CNTNAP2: variants seen among roughly 807,000 people sequenced by gnomAD.
The protein encoded by CNTNAP2 is contactin-associated protein-like 2.
A neutral mutation model predicts 155.2 loss-of-function variants in CNTNAP2; 98 were observed. The ratio of observed to expected loss-of-function variants is 0.63; its 90% confidence interval spans 0.54 to 0.75. CNTNAP2 has a LOEUF of 0.75. Ranked by LOEUF, CNTNAP2 falls within the 30% of genes least tolerant of loss-of-function variation. The pLI is 0.00. For synonymous variants in CNTNAP2, 651 were observed against 631.2 expected, an observed-to-expected ratio of 1.03 and a Z score of -0.47; for missense variants, 1,727 against 1,688.1, an observed-to-expected ratio of 1.02 and a Z score of -0.40.
intron 1 of CNTNAP2, among the ~76,000 whole-genome samples, chr7:146,204,336 T>A (rs1283924915): frequency 6.6e-6 from 1 of 152,182 alleles, no homozygotes; most frequent in African/African-American, 2.4e-5. Context: ...CTGAAACTTG[T>A]TCTTAAAACC....
At chr7:146,479,700 AC>A (rs1455656917) in intron 1 of CNTNAP2, among the ~76,000 whole-genome samples, 1 of 152,064 alleles carries the variant, frequency 6.6e-6, no homozygotes, top group African/African-American at 2.4e-5. Context: ...ACCAAAAAAA[AC>A]CCAAAAAACT....
intron 3 of CNTNAP2, among the ~76,000 whole-genome samples, chr7:146,849,232 A>G (rs1158883195): frequency 6.6e-6 from 1 of 152,228 alleles, no homozygotes; most frequent in Non-Finnish European, 1.5e-5. Flanking sequence ...GCCATTCATC[A>G]TATAGAGCTC....
intron 13 of CNTNAP2, among the ~76,000 whole-genome samples, chr7:147,745,471 A>G (rs1797023057): frequency 6.6e-6 from 1 of 152,212 alleles, no homozygotes; most frequent in Non-Finnish European, 1.5e-5. Context: ...CATCCCTGTC[A>G]ACCATCAACC....
intron 1 of CNTNAP2, among the ~76,000 whole-genome samples, chr7:146,309,829 AAAGGAAGGAAGG>A (rs370487767): frequency 1.3e-5 from 2 of 148,820 alleles, no homozygotes; most frequent in Non-Finnish European, 1.5e-5. Flanking sequence ...AGAAGAAAGG[AAAGGAAGGAAGG>A]AAGGAAGGAA....
chr7:147,597,543 A>G (rs1468874872), intron 12 of CNTNAP2, among the ~76,000 whole-genome samples: 3 of 152,128 alleles, frequency 2.0e-5, no homozygotes, highest in Non-Finnish European at 2.9e-5. Context: ...GGTCAAGTCC[A>G]TGTCTGTTTT....
intron 21 of CNTNAP2, 147 bp downstream of exon 21, chr7:148,267,273 T>A: frequency 1.4e-6 from 1 of 739,380 alleles, no homozygotes; most frequent in Non-Finnish European, 2.4e-6. Context: ...GTGGTTGTTC[T>A]CGGTGTTGCA....
chr7:146,671,277 A>G (rs1027895214), intron 1 of CNTNAP2, among the ~76,000 whole-genome samples: 1 of 152,186 alleles, frequency 6.6e-6, no homozygotes, highest in African/African-American at 2.4e-5. Flanking sequence ...GTGAAGGTCT[A>G]TATACCTAGA....
chr7:147,408,535 C>A lies in CNTNAP2; in HGVS notation c.1670+12755C>A, dbSNP rs948381057. 3.3e-5 allele frequency among the ~76,000 whole-genome samples: 5 copies of A among 152,202 alleles called. No individual in the cohort carries two copies. The South Asian group carries it at 1.0e-3, about 32-fold the overall frequency. ...CGGCACTTTGGGAGGCTGACGCGGG[C>A]GGATCACGAGGTCAGGAGATCGAGA... On this transcript the variant is annotated intron_variant, in intron 10 of 23. Transcript: ENST00000361727.
At chr7:147,922,408 G>A (rs764717471) in intron 14 of CNTNAP2, among the ~76,000 whole-genome samples, 5 of 152,196 alleles carry the variant, frequency 3.3e-5, no homozygotes, top group Non-Finnish European at 7.3e-5. Flanking sequence ...GAGGGGCAAT[G>A]CCCAGGCTTC....
Position 147,128,776 on chromosome 7 carries a change from C to A in CNTNAP2, c.1023C>A (p.Asn341Lys). ...TCAAAGGCTGCATGGAAAGCATCAA[C>A]TACAATGGCGTCAACATTACTGATC... Reference protein sequence around the residue: ...KNFKGCMESINYNGVNITDLA... With the variant: ...KNFKGCMESIKYNGVNITDLA... Residue 341 changes from asparagine to lysine, a missense_variant, in exon 7 of 24, where the codon AAC (asparagine) becomes AAA (lysine). Coordinates refer to ENST00000361727, the MANE Select transcript of CNTNAP2 (RefSeq NM_014141.6). 1 of 1,614,056 alleles carries A rather than the reference C, an allele frequency of 6.2e-7. No homozygotes were observed. The highest frequency in any genetic ancestry group is 8.5e-7 in the Non-Finnish European group (1 of 1,179,970).
chr7:147,629,381 C>A (rs1316090589), intron 12 of CNTNAP2, among the ~76,000 whole-genome samples: 1 of 149,020 alleles, frequency 6.7e-6, no homozygotes, highest in East Asian at 2.0e-4. Flanking sequence ...CCAGCCTGGG[C>A]AACAAGAGCA....
Position 147,068,567 on chromosome 7 carries a change from C to G in CNTNAP2, c.550+24513C>G, listed in dbSNP as rs374603961. Among the ~76,000 whole-genome samples the G allele has an allele frequency of 9.2e-5, 14 of 152,136 alleles. No homozygotes were observed. In the East Asian group the frequency reaches 1.2e-3, roughly 13 times the overall value. On this transcript the variant is annotated intron_variant, in intron 4 of 23. Transcript: ENST00000361727. ...AGAGATGGGGTTTCACCATGTTGAC[C>G]AGGCTGGTCTCGAGCTCCTGGACTC...
intron 9 of CNTNAP2, among the ~76,000 whole-genome samples, chr7:147,384,024 C>G (rs1017013510): frequency 6.6e-6 from 1 of 151,962 alleles, no homozygotes; most frequent in Non-Finnish European, 1.5e-5. Context: ...CTGGGAGGGC[C>G]TCTTGGAAGG....
chr7:147,888,605 G>A (rs1799636060), intron 13 of CNTNAP2, among the ~76,000 whole-genome samples: 1 of 151,740 alleles, frequency 6.6e-6, no homozygotes, highest in Non-Finnish European at 1.5e-5. Flanking sequence ...AGGCATCATA[G>A]TGGATGTAAG....
intron 1 of CNTNAP2, among the ~76,000 whole-genome samples, chr7:146,170,009 C>T (rs1798365812): frequency 6.9e-6 from 1 of 145,064 alleles, no homozygotes; most frequent in Non-Finnish European, 1.5e-5. Flanking sequence ...TCTAGACTTC[C>T]TTTCTTTTCT....
At chr7:147,914,225 T>C (rs1800118992) in intron 14 of CNTNAP2, among the ~76,000 whole-genome samples, 1 of 151,410 alleles carries the variant, frequency 6.6e-6, no homozygotes, top group South Asian at 2.1e-4. Flanking sequence ...ATAATACGAG[T>C]CTGGTGTTTC....
At chr7:146,573,754 T>G (rs1373991527) in intron 1 of CNTNAP2, among the ~76,000 whole-genome samples, 1 of 152,152 alleles carries the variant, frequency 6.6e-6, no homozygotes, top group African/African-American at 2.4e-5. Context: ...GTGTCAAATT[T>G]TTTGTGTGTA....
Position 147,741,322 on chromosome 7 carries a change from G to T in CNTNAP2, c.2098+102016G>T, listed in dbSNP as rs994500761. On this transcript the variant is annotated intron_variant, in intron 13 of 23. Transcript: ENST00000361727. ...TGACCACAAAGGGCAATGTCACCAG[G>T]AATATAAAGTCAAATAAAATGGGTC... Among the ~76,000 whole-genome samples the T allele has an allele frequency of 1.6e-4, 25 of 152,286 alleles. No individual in the cohort carries two copies. In the East Asian group the frequency reaches 2.7e-3, roughly 16 times the overall value.
chr7:147,512,528 A>G (rs114578138), intron 11 of CNTNAP2, among the ~76,000 whole-genome samples: 9 of 152,308 alleles, frequency 5.9e-5, no homozygotes, highest in African/African-American at 2.2e-4. Context: ...TCTCATAACT[A>G]AAGATCAAAG....
Sources: gnomAD v4.1 joint callset for allele counts (sites outside exome capture counted in the v4.1 genomes callset) on GRCh38, gnomAD v4.1.1 for gene constraint, MANE v1.5 for transcripts, NCBI Gene and HGNC (gene_info 2026-07-23, HGNC 2026-07-21) for gene names.